USP25: variants seen among roughly 807,000 people sequenced by gnomAD.
The protein encoded by USP25 is ubiquitin carboxyl-terminal hydrolase 25.
In USP25, 85 loss-of-function variants were observed where a neutral mutation model predicts 158.5. That is an observed-to-expected ratio of 0.54 (90% confidence interval 0.45 to 0.64). USP25 has a LOEUF of 0.64. Ranked by LOEUF, USP25 falls within the 30% of genes least tolerant of loss-of-function variation. The pLI is 0.00. For synonymous variants in USP25, 464 were observed against 460.4 expected (o/e 1.01, Z -0.10); for missense variants, 1,242 against 1,327.3 (o/e 0.94, Z 1.00).
At chr21:15,768,669 T>C (rs2034175584) in intron 3 of USP25, among the ~76,000 whole-genome samples, 1 of 152,080 alleles carries the variant, frequency 6.6e-6, no homozygotes, top group Non-Finnish European at 1.5e-5. Context: ...TGTAGAAGAA[T>C]AGATCAGAGT....
chr21:15,759,359 C>T (rs1468738469), intron 1 of USP25, among the ~76,000 whole-genome samples: 1 of 152,096 alleles, frequency 6.6e-6, no homozygotes, highest in East Asian at 1.9e-4. Context: ...GGGTTAAGTA[C>T]GTGCCTGTGA....
intron 1 of USP25, among the ~76,000 whole-genome samples, chr21:15,731,653 AGTT>A (rs2030919324): frequency 6.6e-6 from 1 of 152,234 alleles, no homozygotes; most frequent in African/African-American, 2.4e-5. Context: ...ACGTTGGGAA[AGTT>A]GTTTTTGAGA....
At chr21:15,830,677 A>G (rs1349030883) in intron 15 of USP25, 76 bp downstream of exon 15, 4 of 1,182,668 alleles carry the variant, frequency 3.4e-6, no homozygotes, top group Admixed American at 2.8e-5. Flanking sequence ...CATTATCTTA[A>G]TCTAATTTTT....
intron 1 of USP25, among the ~76,000 whole-genome samples, chr21:15,735,526 G>C (rs1383001407): frequency 6.6e-6 from 1 of 152,162 alleles, no homozygotes; most frequent in Non-Finnish European, 1.5e-5. Flanking sequence ...TTTGGCCTCT[G>C]GGGGTCCTGG....
At chr21:15,795,314 G>A (rs1335031395) in intron 5 of USP25, among the ~76,000 whole-genome samples, 7 of 151,592 alleles carry the variant, frequency 4.6e-5, no homozygotes, top group Non-Finnish European at 4.4e-5. Context: ...CCCATCTATA[G>A]TACTTTGTTA....
At chr21:15,821,131 C>T (rs553873195) in intron 10 of USP25, among the ~76,000 whole-genome samples, 1 of 151,916 alleles carries the variant, frequency 6.6e-6, no homozygotes, top group Non-Finnish European at 1.5e-5. Flanking sequence ...TGAGTATTCA[C>T]TACTACCAGT....
At chr21:15,795,787 G>T (rs1294859506) in intron 5 of USP25, among the ~76,000 whole-genome samples, 1 of 151,446 alleles carries the variant, frequency 6.6e-6, no homozygotes, top group African/African-American at 2.4e-5. Context: ...GCACATGGGG[G>T]TTTAATTGTT....
chr21:15,732,360 T>TTTG, intron 1 of USP25, among the ~76,000 whole-genome samples: 1 of 152,370 alleles, frequency 6.6e-6, no homozygotes. Flanking sequence ...ACACGATTAC[T>TTTG]TTGTTACTCA....
At chr21:15,825,804 A>G (rs1312839208) in intron 12 of USP25, among the ~76,000 whole-genome samples, 2 of 152,222 alleles carry the variant, frequency 1.3e-5, no homozygotes, top group African/African-American at 4.8e-5. Flanking sequence ...CTTAAAAAGT[A>G]TGAATAATCA....
At chr21:15,825,086 G>T in intron 12 of USP25, 25 bp downstream of exon 12, 1 of 1,516,740 alleles carries the variant, frequency 6.6e-7, no homozygotes, top group South Asian at 1.2e-5. Flanking sequence ...ATGAAATTAG[G>T]AGATAATTAT....
intron 1 of USP25, among the ~76,000 whole-genome samples, chr21:15,757,698 A>G (rs529280386): frequency 6.6e-6 from 1 of 152,302 alleles, no homozygotes; most frequent in South Asian, 2.1e-4. Flanking sequence ...CAGAAGTTCA[A>G]CTGGGCTAGC....
chr21:15,763,445 A>G (rs459605), intron 2 of USP25, among the ~76,000 whole-genome samples: 148,705 of 152,244 alleles, frequency 0.98, 72,651 homozygotes, highest in African/African-American at 0.99. Context: ...TTAAACATTC[A>G]ATTTCAAACT....
At chr21:15,789,149 C>A (rs1384388870) in intron 4 of USP25, among the ~76,000 whole-genome samples, 1 of 152,006 alleles carries the variant, frequency 6.6e-6, no homozygotes, top group Non-Finnish European at 1.5e-5. Flanking sequence ...AAAAAGCTTA[C>A]ATTATCTCAG....
chr21:15,733,923 G>A (rs2031224204), intron 1 of USP25, among the ~76,000 whole-genome samples: 2 of 152,214 alleles, frequency 1.3e-5, no homozygotes, highest in South Asian at 4.1e-4. Flanking sequence ...CAGTGGTACT[G>A]AAAGACAGGA....
At chr21:15,872,826 CTAAG>C (rs747700248) in intron 23 of USP25, among the ~76,000 whole-genome samples, 2 of 151,990 alleles carry the variant, frequency 1.3e-5, no homozygotes, top group Non-Finnish European at 2.9e-5. Flanking sequence ...TATTTTGTAT[CTAAG>C]TACATGAATT....
chr21:15,778,416 T>C (rs1408293667), intron 4 of USP25, among the ~76,000 whole-genome samples: 1 of 152,170 alleles, frequency 6.6e-6, no homozygotes, highest in African/African-American at 2.4e-5. Flanking sequence ...GTTTCTGTTA[T>C]AGCTATTCAG....
intron 8 of USP25, among the ~76,000 whole-genome samples, chr21:15,809,731 C>T (rs563402716): frequency 3.9e-5 from 6 of 152,058 alleles, no homozygotes; most frequent in South Asian, 4.2e-4. Context: ...TCACAATAGC[C>T]GAAAGGTGGA....
intron 3 of USP25, among the ~76,000 whole-genome samples, chr21:15,774,432 A>G (rs2123477623): frequency 6.6e-6 from 1 of 152,298 alleles, no homozygotes; most frequent in South Asian, 2.1e-4. Context: ...TTGCTTGAAA[A>G]TTCCATATTA....
chr21:15,863,768 G>A (rs1331093191), intron 20 of USP25, among the ~76,000 whole-genome samples: 1 of 150,956 alleles, frequency 6.6e-6, no homozygotes, highest in Non-Finnish European at 1.5e-5. Flanking sequence ...CCAGGCACGT[G>A]GCTCACGCCT....
Sources: allele counts gnomAD v4.1 joint callset (sites outside exome capture counted in the v4.1 genomes callset), GRCh38; gene constraint gnomAD v4.1.1; transcripts MANE v1.5; gene names NCBI Gene and HGNC (gene_info 2026-07-23, HGNC 2026-07-21).